Variants in STARD9 observed in about 807,000 individuals in gnomAD.
STARD9 encodes the protein StAR related lipid transfer domain containing 9, also known as stAR-related lipid transfer protein 9.
Under a neutral mutation model 399.8 loss-of-function variants are expected in STARD9, and 346 were observed. The observed-to-expected ratio is 0.87, with a 90% CI of 0.79 to 0.95. STARD9 has a LOEUF of 0.95. STARD9 is among the 40% of genes least tolerant of loss of function. The pLI is 0.00. For missense variants in STARD9, 5,832 were observed against 5,667.5 expected, an observed-to-expected ratio of 1.03 and a Z score of -0.93; for synonymous variants, 2,203 against 2,143.5, an observed-to-expected ratio of 1.03 and a Z score of -0.77.
intron 3 of STARD9, among the ~76,000 whole-genome samples, chr15:42,608,760 G>A (rs2058787576): frequency 6.6e-6 from 1 of 152,180 alleles, no homozygotes; most frequent in South Asian, 2.1e-4. Flanking sequence ...GGTGCTTTGT[G>A]GAAGATACTG....
Position 42,693,848 on chromosome 15 carries a change from C to T in STARD9, c.12270C>T (p.Val4090=), listed in dbSNP as rs1816450949. 1.3e-6 allele frequency: 2 copies of T among 1,536,840 alleles called. No homozygotes were observed. The highest frequency in any genetic ancestry group is 1.7e-6 in the Non-Finnish European group (2 of 1,146,772). The change falls in exon 23 of 33, where the codon GTC becomes GTT. Residue 4090 remains valine (V), a synonymous_variant. Transcript: ENST00000290607. Reference sequence around the variant, plus strand: ...TCCAGCACCTCAGCCCCTGCCCTGTCTCTGAGTTGACTGATACTGCAGGGC... The same window carrying T: ...TCCAGCACCTCAGCCCCTGCCCTGTTTCTGAGTTGACTGATACTGCAGGGC... ...GGLQHLSPCP[V]SELTDTAGLR...
Position 42,695,121 on chromosome 15 carries a change from A to G in STARD9, c.12963-19A>G, listed in dbSNP as rs547686770. 1.9e-5 allele frequency: 29 copies of G among 1,510,126 alleles called. No individual in the cohort carries two copies. Among genetic ancestry groups the G allele is most frequent in the African/African-American group, 2.8e-5 (2 of 72,604 alleles). The allele number at this position is 1,510,126 out of a possible 1,614,324, so 93.5% of individuals were successfully genotyped here. A position where few individuals can be genotyped will look rare whatever the true frequency, so the allele number is the denominator to read the frequency against. ...GTCACCCACCCACCATGTTCTTTCC[A>G]CCCCGTGATCTTCCTCAGGAGCCCA... On this transcript the variant is annotated intron_variant, in intron 24 of 32. Transcript: ENST00000290607.
Position 42,675,937 on chromosome 15 carries a change from C to T in STARD9, c.1836C>T (p.Ala612=), listed in dbSNP as rs1406321965. ...EWLDLDGDLA[A]SRLGLSPLLW... Reference sequence around the variant, plus strand: ...TGGATTTGGATGGAGATCTCGCTGCCTCCCGGCTGGGTCTCTCCCCTTTGC... The same window carrying T: ...TGGATTTGGATGGAGATCTCGCTGCTTCCCGGCTGGGTCTCTCCCCTTTGC... Residue 612 remains alanine, a synonymous_variant, in exon 20 of 33, where the codon GCC becomes GCT. Transcript: ENST00000290607. The T allele has an allele frequency of 6.5e-7, 1 of 1,537,034 alleles. No individual in the cohort carries two copies. Among genetic ancestry groups the T allele is most frequent in the South Asian group, 1.2e-5 (1 of 84,042 alleles).
Position 42,692,975 on chromosome 15 carries a change from T to C in STARD9, c.11397T>C (p.Tyr3799=), listed in dbSNP as rs1174355098. ...CACAGAAAATGGCTCAGCTCCTCTATCTTCAGGAAGAAAGCACTCCCTACA... is the reference window on the plus strand; with the variant it reads ...CACAGAAAATGGCTCAGCTCCTCTACCTTCAGGAAGAAAGCACTCCCTACA... ...ETAQKMAQLL[Y]LQEESTPYKP... Residue 3799 remains tyrosine (Y), a synonymous_variant, in exon 23 of 33, where the codon TAT becomes TAC. Transcript: ENST00000290607. The C allele has an allele frequency of 1.3e-6, 2 of 1,537,064 alleles. No homozygotes were observed. The highest frequency in any genetic ancestry group is 1.4e-5 in the African/African-American group (1 of 73,008).
At chr15:42,628,447 A>C (rs1213379388) in intron 3 of STARD9, among the ~76,000 whole-genome samples, 45 of 152,120 alleles carry the variant, frequency 3.0e-4, no homozygotes, top group Admixed American at 2.8e-3. Context: ...GATCCCATTC[A>C]TCCATTTTTG....
chr15:42,604,186 C>T (rs543310870), intron 3 of STARD9, among the ~76,000 whole-genome samples: 1 of 152,194 alleles, frequency 6.6e-6, no homozygotes, highest in Non-Finnish European at 1.5e-5. Flanking sequence ...CCATAACTTC[C>T]TATGTCAGAT....
chr15:42,631,125 A>G (rs930398408), intron 3 of STARD9, among the ~76,000 whole-genome samples: 3 of 152,074 alleles, frequency 2.0e-5, no homozygotes, highest in Admixed American at 6.5e-5. Flanking sequence ...GATTACAGAC[A>G]TGGACCACCA....
intron 3 of STARD9, among the ~76,000 whole-genome samples, chr15:42,597,610 C>T (rs2058533341): frequency 6.6e-6 from 1 of 152,188 alleles, no homozygotes; most frequent in South Asian, 2.1e-4. Context: ...GATCTCGGCT[C>T]ACTGCAGCCT....
chr15:42,631,493 T>C (rs1164913571), intron 3 of STARD9, among the ~76,000 whole-genome samples: 3 of 152,036 alleles, frequency 2.0e-5, no homozygotes, highest in African/African-American at 7.3e-5. Flanking sequence ...GGCATGAGAA[T>C]TGCTTGAACT....
At chr15:42,602,793 A>G (rs1010589048) in intron 3 of STARD9, among the ~76,000 whole-genome samples, 2 of 152,244 alleles carry the variant, frequency 1.3e-5, no homozygotes, top group Non-Finnish European at 2.9e-5. Context: ...GACAGCAACC[A>G]TTCAGAGCTG....
chr15:42,586,840 CTT>C (rs766190755), intron 3 of STARD9, among the ~76,000 whole-genome samples: 41 of 136,514 alleles, frequency 3.0e-4, no homozygotes, highest in Admixed American at 3.7e-4. Context: ...TTTCATAAAA[CTT>C]TTTTTTTTTT....
intron 26 of STARD9, among the ~76,000 whole-genome samples, chr15:42,704,388 G>A (rs1048049230): frequency 6.6e-6 from 1 of 152,122 alleles, no homozygotes; most frequent in Non-Finnish European, 1.5e-5. Context: ...GGTTTGGTGA[G>A]GTCATAGTTC....
At position 42,684,172 on chromosome 15, in the gene STARD9, A is replaced by C. The variant is rs753200590; in HGVS notation, c.2594A>C (p.His865Pro). The C allele has an allele frequency of 2.0e-6, 3 of 1,537,182 alleles. No homozygotes were observed. The highest frequency in any genetic ancestry group is 2.4e-5 in the South Asian group (2 of 84,058). Residue 865 changes from histidine to proline, a missense_variant, in exon 23 of 33, where the codon CAC (histidine) becomes CCC (proline). His to Pro is a moderately conservative substitution (Grantham distance 77). Coordinates refer to ENST00000290607, the MANE Select transcript of STARD9 (RefSeq NM_020759.3). ...TTLPPRPDPT[H>P]QTSEKTSSEE... Reference sequence around the variant, plus strand: ...TTGCCACCTAGGCCTGACCCTACACACCAAACATCAGAGAAAACATCATCA... The same window carrying C: ...TTGCCACCTAGGCCTGACCCTACACCCCAAACATCAGAGAAAACATCATCA...
Position 42,712,128 on chromosome 15 carries a change from T to TATATATAA in STARD9, c.13285-4548_13285-4547insTATATAAA, listed in dbSNP as rs36169000. Among the ~76,000 whole-genome samples, 62 of 12,304 alleles carry TATATATAA rather than the reference T, an allele frequency of 5.0e-3. 12 individuals carry two copies. The highest frequency in any genetic ancestry group is 0.021 in the African/African-American group (62 of 2,994). 8.1% of individuals were successfully genotyped at this position (12,304 alleles called of 152,430 possible). A position where few individuals can be genotyped will look rare whatever the true frequency, so the allele number is the denominator to read the frequency against. On this transcript the variant is annotated intron_variant, in intron 26 of 32. Coordinates refer to ENST00000290607, the MANE Select transcript of STARD9 (RefSeq NM_020759.3). ...TAATATATAATATATAATATATATA[T>TATATATAA]AAATGTGCCTTTGCCCATTTATATG... is the stretch of plus-strand genomic sequence containing the variant.
chr15:42,676,374 G>A (rs1004466431), intron 20 of STARD9, among the ~76,000 whole-genome samples: 2 of 152,138 alleles, frequency 1.3e-5, no homozygotes, highest in African/African-American at 2.4e-5. Flanking sequence ...TATATGTCAC[G>A]TAGTGTATGT....
chr15:42,588,889 G>A (rs1055618615), intron 3 of STARD9, among the ~76,000 whole-genome samples: 6 of 145,654 alleles, frequency 4.1e-5, no homozygotes, highest in Admixed American at 7.1e-5. Flanking sequence ...ATCTTGGCTC[G>A]CTGCAACCTC....
chr15:42,606,759 G>C, intron 3 of STARD9, among the ~76,000 whole-genome samples: 1 of 151,672 alleles, frequency 6.6e-6, no homozygotes, highest in African/African-American at 2.4e-5. Context: ...ACTGCGCCCA[G>C]CCTATTTTTA....
At position 42,692,197 on chromosome 15, in the gene STARD9, CCA is replaced by C; in HGVS notation, c.10626_10627del (p.His3542GlnfsTer4). On this transcript the variant is annotated frameshift_variant, in exon 23 of 33. Transcript: ENST00000290607. LOFTEE classifies it high-confidence loss of function. ...TACGCCAATATTTGTGATCTGTCAA[CCA>C]CACACAGCAGCACTGAGAATGCCCA... is the stretch of plus-strand genomic sequence containing the variant. 5 of 1,537,138 alleles carry C rather than the reference CCA, an allele frequency of 3.3e-6. No homozygotes were observed. The highest frequency in any genetic ancestry group is 4.4e-6 in the Non-Finnish European group (5 of 1,146,912).
At chr15:42,584,302 G>T (rs1179153350) in intron 2 of STARD9, among the ~76,000 whole-genome samples, 1 of 152,110 alleles carries the variant, frequency 6.6e-6, no homozygotes, top group Non-Finnish European at 1.5e-5. Context: ...AAACAATGGG[G>T]ACCTACCAGA....
Sources: allele counts gnomAD v4.1 joint callset (sites outside exome capture counted in the v4.1 genomes callset), GRCh38; gene constraint gnomAD v4.1.1; transcripts MANE v1.5; gene names NCBI Gene and HGNC (gene_info 2026-07-23, HGNC 2026-07-21).